The following KIAA0825 variants were observed in gnomAD, a reference collection of about 807,000 sequenced individuals.
The protein encoded by KIAA0825 is uncharacterized protein KIAA0825.
Under a neutral mutation model 147.6 loss-of-function variants are expected in KIAA0825, and 119 were observed. The observed-to-expected ratio is 0.81, with a 90% CI of 0.69 to 0.94. The LOEUF is 0.94. KIAA0825 is among the 40% of genes least tolerant of loss of function. The probability of loss-of-function intolerance (pLI) is 0.00; values close to 1 mark genes in which losing one functional copy is unlikely to be tolerated. For missense variants in KIAA0825, 1,381 were observed against 1,472.7 expected (o/e 0.94, Z 1.02); for synonymous variants, 470 against 518.1 (o/e 0.91, Z 1.26).
intron 20 of KIAA0825, among the ~76,000 whole-genome samples, chr5:94,154,515 T>C (rs1463516650): frequency 6.6e-6 from 1 of 152,134 alleles, no homozygotes; most frequent in Non-Finnish European, 1.5e-5. Context: ...TGGTTGTAAG[T>C]TGCAGGGAGG....
chr5:94,618,093 C>T (rs1000992553), intron 1 of KIAA0825: 1 of 152,330 alleles, frequency 6.6e-6, no homozygotes, highest in Non-Finnish European at 1.5e-5. Context: ...CTTCAGCCAA[C>T]CTCCTGCCTT....
rs561376426 is a variant in KIAA0825, at chr5:94,254,272, T to G, written c.3711-100148A>C. ...TAAACCAAACCATATTTTGATACAT[T>G]ATTATCAACATAGTATCCAATTAGC... On this transcript the variant is annotated intron_variant, in intron 20 of 20. Transcript: ENST00000682413. Among the ~76,000 whole-genome samples the G allele has an allele frequency of 4.6e-5, 7 of 152,312 alleles. No homozygotes were observed. The South Asian group carries it at 1.2e-3, about 27-fold the overall frequency.
At chr5:94,311,667 C>A (rs761066492) in intron 20 of KIAA0825, among the ~76,000 whole-genome samples, 1 of 151,508 alleles carries the variant, frequency 6.6e-6, no homozygotes, top group Non-Finnish European at 1.5e-5. Context: ...AATATAATTT[C>A]TATTTGTCTC....
At chr5:94,426,530 C>G (rs1582387) in intron 14 of KIAA0825, among the ~76,000 whole-genome samples, 34 of 152,060 alleles carry the variant, frequency 2.2e-4, no homozygotes, top group African/African-American at 8.0e-4. Flanking sequence ...AAGAATAAAC[C>G]GATAGAAACC....
chr5:94,160,756 C>T (rs2149917680), intron 20 of KIAA0825, among the ~76,000 whole-genome samples: 1 of 151,740 alleles, frequency 6.6e-6, no homozygotes, highest in African/African-American at 2.4e-5. Flanking sequence ...ACCCCCTTCT[C>T]CCTCAATAAC....
intron 1 of KIAA0825, among the ~76,000 whole-genome samples, chr5:94,608,479 A>G (rs1340844131): frequency 1.5e-4 from 6 of 39,916 alleles, no homozygotes; most frequent in African/African-American, 4.1e-4. Context: ...TATATAATAT[A>G]TATATATATA....
intron 13 of KIAA0825, among the ~76,000 whole-genome samples, chr5:94,443,352 A>ATG (rs1554281510): frequency 7.8e-6 from 1 of 128,552 alleles, no homozygotes; most frequent in African/African-American, 2.7e-5. Context: ...ATATATATGT[A>ATG]TATATATACA....
chr5:94,492,906 G>A (rs537108269), intron 5 of KIAA0825, among the ~76,000 whole-genome samples: 2 of 152,284 alleles, frequency 1.3e-5, no homozygotes, highest in South Asian at 4.1e-4. Flanking sequence ...TTGAATGGCA[G>A]CCCCACTCCA....
chr5:94,397,841 C>CT (rs1489165809), intron 16 of KIAA0825, among the ~76,000 whole-genome samples: 1 of 152,108 alleles, frequency 6.6e-6, no homozygotes, highest in Admixed American at 6.6e-5. Flanking sequence ...AGCTGTAGTC[C>CT]TATAACTCCA....
intron 20 of KIAA0825, among the ~76,000 whole-genome samples, chr5:94,355,399 T>G (rs1562409454): frequency 6.6e-6 from 1 of 152,144 alleles, no homozygotes; most frequent in African/African-American, 2.4e-5. Flanking sequence ...GGTAAAATAT[T>G]TTTATTTTCT....
intron 10 of KIAA0825, among the ~76,000 whole-genome samples, chr5:94,469,027 G>C (rs879383232): frequency 6.6e-6 from 1 of 152,176 alleles, no homozygotes; most frequent in Non-Finnish European, 1.5e-5. Context: ...ATGAGATTTA[G>C]GTGAAGGGAA....
chr5:94,518,762 C>T (rs1454299335), intron 5 of KIAA0825, among the ~76,000 whole-genome samples: 1 of 152,092 alleles, frequency 6.6e-6, no homozygotes, highest in African/African-American at 2.4e-5. Context: ...GTGGAAAATG[C>T]TTCAAATTCT....
chr5:94,313,625 T>A (rs1380068746), intron 20 of KIAA0825, among the ~76,000 whole-genome samples: 1 of 151,496 alleles, frequency 6.6e-6, no homozygotes, highest in Non-Finnish European at 1.5e-5. Context: ...TTCTTTTTTT[T>A]TTTTTGTATC....
At chr5:94,400,226 A>C (rs29928) in intron 16 of KIAA0825, among the ~76,000 whole-genome samples, 17,269 of 152,162 alleles carry the variant, frequency 0.11, 1,155 homozygotes, top group East Asian at 0.26. Flanking sequence ...CGAATGGAAA[A>C]ATATTTTATT....
At chr5:94,439,688 T>C (rs998251032) in intron 14 of KIAA0825, among the ~76,000 whole-genome samples, 7 of 152,158 alleles carry the variant, frequency 4.6e-5, no homozygotes, top group Admixed American at 3.3e-4. Context: ...AGTCCTACAA[T>C]TTTTTTAGGC....
At chr5:94,481,011 T>C (rs1584630984) in intron 6 of KIAA0825, among the ~76,000 whole-genome samples, 1 of 152,156 alleles carries the variant, frequency 6.6e-6, no homozygotes, top group South Asian at 2.1e-4. Context: ...TTTGGCAATG[T>C]AAAACTCTAT....
At chr5:94,444,990 G>A (rs1299986985) in intron 13 of KIAA0825, among the ~76,000 whole-genome samples, 1 of 152,110 alleles carries the variant, frequency 6.6e-6, no homozygotes, top group Non-Finnish European at 1.5e-5. Flanking sequence ...AATGGCAGAA[G>A]GTGAAGAGAA....
At chr5:94,386,191 C>T in intron 19 of KIAA0825, 51 bp downstream of exon 19, 2 of 1,487,524 alleles carry the variant, frequency 1.3e-6, no homozygotes, top group Admixed American at 2.4e-5. Flanking sequence ...TTTTTTCTTA[C>T]TTGGGTAAAG....
rs372997543 is a variant in KIAA0825 at position 94,169,399 on chromosome 5, T to C, written c.3711-15275A>G. 4.0e-4 allele frequency among the ~76,000 whole-genome samples: 61 copies of C among 151,954 alleles called. 1 individual carries two copies. The highest frequency in any genetic ancestry group is 1.4e-3 in the African/African-American group (60 of 41,458). ...GAGTTCAAGACCAGTCTGGGCAACA[T>C]GGTGAAACCCTGTCTCTACTGAAAA... On this transcript the variant is annotated intron_variant, in intron 20 of 20. Coordinates refer to ENST00000682413, the MANE Select transcript of KIAA0825 (RefSeq NM_001145678.3).
Sources: allele counts gnomAD v4.1 joint callset (sites outside exome capture counted in the v4.1 genomes callset), GRCh38; gene constraint gnomAD v4.1.1; transcripts MANE v1.5; gene names NCBI Gene and HGNC (gene_info 2026-07-23, HGNC 2026-07-21).